EYS: variants seen among roughly 807,000 people sequenced by gnomAD.
EYS encodes the protein protein eyes shut homolog.
In EYS, 250 loss-of-function variants were observed where a neutral mutation model predicts 282.1. That is an observed-to-expected ratio of 0.89 (90% CI 0.80 to 0.98). The LOEUF is 0.98. EYS is among the 50% of genes least tolerant of loss of function. EYS has a pLI of 0.00. For synonymous variants in EYS, 1,355 were observed against 1,282.9 expected (o/e 1.06, Z -1.20); for missense variants, 4,016 against 3,709.0 (o/e 1.08, Z -2.15).
intron 22 of EYS, among the ~76,000 whole-genome samples, chr6:64,702,096 T>C (rs1191601198): frequency 6.6e-6 from 1 of 151,966 alleles, no homozygotes; most frequent in Non-Finnish European, 1.5e-5. Context: ...TTCACCTACA[T>C]ATGAATAAAG....
chr6:65,442,480 C>T (rs1171057272), intron 5 of EYS, among the ~76,000 whole-genome samples: 2 of 151,878 alleles, frequency 1.3e-5, no homozygotes, highest in Non-Finnish European at 2.9e-5. Flanking sequence ...ATAGGCCAGG[C>T]ACAGTGGTTC....
chr6:63,950,082 G>T (rs1007351988), intron 35 of EYS, among the ~76,000 whole-genome samples: 8 of 151,758 alleles, frequency 5.3e-5, no homozygotes, highest in Admixed American at 3.9e-4. Flanking sequence ...CTGAGGCAGA[G>T]AATTGCTTGA....
intron 14 of EYS, among the ~76,000 whole-genome samples, chr6:64,952,306 A>G (rs145036202): frequency 4.6e-5 from 7 of 152,170 alleles, no homozygotes; most frequent in African/African-American, 1.7e-4. Flanking sequence ...TTGTTGACAG[A>G]TGACCTGGAT....
chr6:64,245,648 T>C (rs1466478397), intron 30 of EYS, among the ~76,000 whole-genome samples: 1 of 152,182 alleles, frequency 6.6e-6, no homozygotes, highest in Non-Finnish European at 1.5e-5. Context: ...TCCTGTCTCA[T>C]GGTGCTTTTT....
Position 64,467,008 on chromosome 6 carries a change from A to G in EYS, c.5645-27656T>C, listed in dbSNP as rs1049917752. Among the ~76,000 whole-genome samples, 19 of 152,198 alleles carry G rather than the reference A, an allele frequency of 1.2e-4. 1 individual carries two copies. The highest frequency in any genetic ancestry group is 9.8e-4 in the Admixed American group (15 of 15,274). On this transcript the variant is annotated intron_variant, in intron 26 of 42. Transcript: ENST00000503581. ...TATAACTGACAGAAGATAGGTATCC[A>G]AAGTTCACTACAAACAGACAAACTA...
intron 40 of EYS, among the ~76,000 whole-genome samples, chr6:63,767,772 T>A (rs917162035): frequency 6.6e-6 from 1 of 152,046 alleles, no homozygotes; most frequent in South Asian, 2.1e-4. Context: ...GCTGAAATGA[T>A]CCTAAGCAAA....
intron 31 of EYS, among the ~76,000 whole-genome samples, chr6:64,220,268 A>T (rs1366235106): frequency 6.6e-6 from 1 of 152,092 alleles, no homozygotes; most frequent in Non-Finnish European, 1.5e-5. Context: ...GGTAATCACA[A>T]ATTACTGAGT....
chr6:64,717,998 G>A (rs1771455739), intron 22 of EYS, among the ~76,000 whole-genome samples: 1 of 152,122 alleles, frequency 6.6e-6, no homozygotes, highest in African/African-American at 2.4e-5. Flanking sequence ...TGTAAAATAA[G>A]CTCAGACATT....
chr6:64,394,574 C>A (rs1255406745), intron 28 of EYS, among the ~76,000 whole-genome samples: 1 of 151,928 alleles, frequency 6.6e-6, no homozygotes, highest in Non-Finnish European at 1.5e-5. Context: ...AACTGGCTAG[C>A]CATATGTAGA....
chr6:64,281,955 A>G (rs908174295), intron 30 of EYS, among the ~76,000 whole-genome samples: 2 of 152,068 alleles, frequency 1.3e-5, no homozygotes, highest in Non-Finnish European at 2.9e-5. Context: ...TTTTTAGGAG[A>G]TAAAATTGAT....
At chr6:65,355,432 A>G (rs1375562101) in intron 8 of EYS, among the ~76,000 whole-genome samples, 1 of 152,124 alleles carries the variant, frequency 6.6e-6, no homozygotes, top group Non-Finnish European at 1.5e-5. Flanking sequence ...CATGACTGAG[A>G]TCTCAAAGTA....
Position 63,789,120 on chromosome 6 carries a change from T to G in EYS, c.7516A>C (p.Asn2506His). The G allele has an allele frequency of 6.4e-7, 1 of 1,551,674 alleles. No homozygotes were observed. The highest frequency in any genetic ancestry group is 8.7e-7 in the Non-Finnish European group (1 of 1,146,940). The change falls in exon 38 of 43, where the codon AAT (asparagine) becomes CAT (histidine). Residue 2506 changes from asparagine to histidine, a missense_variant. Coordinates refer to ENST00000503581, the MANE Select transcript of EYS (RefSeq NM_001142800.2). ...ACAGTGTGGACTCCAAGGCTCAGAT[T>G]GAGGGGCTCGCTCCTGATGCTTGCT... The part of the protein sequence containing the change: ...GIASIRSEPL[N>H]LSLGVHTVHL...
At chr6:65,524,348 A>T (rs724103) in intron 2 of EYS, among the ~76,000 whole-genome samples, 11,682 of 152,158 alleles carry the variant, frequency 0.077, 1,333 homozygotes, top group African/African-American at 0.25. Context: ...TCCTTTTTGG[A>T]ACTAACGGAT....
chr6:65,580,549 T>A (rs374731595), intron 2 of EYS, among the ~76,000 whole-genome samples: 2 of 152,078 alleles, frequency 1.3e-5, no homozygotes, highest in East Asian at 1.9e-4. Flanking sequence ...AACTAATCAG[T>A]CATAGATAAA....
intron 33 of EYS, among the ~76,000 whole-genome samples, chr6:64,018,960 A>G (rs1441973262): frequency 6.6e-6 from 1 of 151,706 alleles, no homozygotes; most frequent in East Asian, 1.9e-4. Context: ...TTTTTAGTAG[A>G]GACGGGGTTT....
chr6:65,689,934 G>A lies in EYS; in HGVS notation c.-448+17201C>T, dbSNP rs565994534. On this transcript the variant is annotated intron_variant, in intron 1 of 42. Coordinates refer to ENST00000503581, the MANE Select transcript of EYS (RefSeq NM_001142800.2). ...GAAAGCTGGGTCCAGGGGGGTCACCGCATTCTGGTCCCGCAGTACCAACAA... is the reference window on the plus strand; with the variant it reads ...GAAAGCTGGGTCCAGGGGGGTCACCACATTCTGGTCCCGCAGTACCAACAA... Among the ~76,000 whole-genome samples the A allele has an allele frequency of 2.7e-5, 4 of 149,736 alleles. 1 individual carries two copies. The highest frequency in any genetic ancestry group is 4.7e-4 in the East Asian group (2 of 4,284).
chr6:63,880,487 G>GTCTC (rs537041801), intron 35 of EYS, among the ~76,000 whole-genome samples: 6 of 142,780 alleles, frequency 4.2e-5, no homozygotes, highest in Admixed American at 1.4e-4. Context: ...CTGTCTGTCT[G>GTCTC]TATCTATCTA....
At chr6:65,497,238 T>C (rs910385187) in intron 2 of EYS, among the ~76,000 whole-genome samples, 1 of 152,032 alleles carries the variant, frequency 6.6e-6, no homozygotes. Flanking sequence ...GAATAGGGTA[T>C]CAATGGAAGG....
chr6:65,440,072 A>C (rs1173878026), intron 5 of EYS, among the ~76,000 whole-genome samples: 1 of 152,096 alleles, frequency 6.6e-6, no homozygotes, highest in Non-Finnish European at 1.5e-5. Context: ...TCAGAGAAAA[A>C]ATTAAGTGAT....
Sources: gnomAD v4.1 joint callset for allele counts (sites outside exome capture counted in the v4.1 genomes callset) on GRCh38, gnomAD v4.1.1 for gene constraint, MANE v1.5 for transcripts, NCBI Gene and HGNC (gene_info 2026-07-23, HGNC 2026-07-21) for gene names.